RNF44: variants seen among roughly 807,000 people sequenced by gnomAD.
RNF44 encodes the protein ring finger protein 44.
RNF44 carries 25 observed loss-of-function variants against 53.6 expected under a neutral mutation model. That is an observed-to-expected ratio of 0.47 (90% CI 0.34 to 0.65). The LOEUF is 0.65. Ranked by LOEUF, RNF44 falls within the 30% of genes least tolerant of loss-of-function variation. RNF44 has a pLI of 0.01. For missense variants in RNF44, 581 were observed against 595.5 expected, an observed-to-expected ratio of 0.98 and a Z score of 0.25; for synonymous variants, 282 against 252.2, an observed-to-expected ratio of 1.12 and a Z score of -1.12.
Position 176,532,429 on chromosome 5 carries a change from GC to G in RNF44, c.43del (p.Ala15ProfsTer53). ...AGAGAATCGCCGCTGGCCCACGGGGGCGGAGGGTGGCCACCTAGTCACTGCC... is the reference window on the plus strand; with the variant it reads ...AGAGAATCGCCGCTGGCCCACGGGGGGGAGGGTGGCCACCTAGTCACTGCC... ...ALAVTRWPPS[A>X]PVGQRRFSAG... On this transcript the variant is annotated frameshift_variant, in exon 2 of 11. Transcript: ENST00000274811. LOFTEE classifies it high-confidence loss of function. 6.2e-7 allele frequency: 1 copy of G among 1,607,244 alleles called. No homozygotes were observed. The highest frequency in any genetic ancestry group is 8.5e-7 in the Non-Finnish European group (1 of 1,178,860).
At chr5:176,529,193 G>C in intron 10 of RNF44, 95 bp downstream of exon 10, 3 of 1,556,146 alleles carry the variant, frequency 1.9e-6, no homozygotes, top group Non-Finnish European at 2.6e-6. Flanking sequence ...GAACTTCCGA[G>C]ATGATGACAA....
Position 176,531,007 on chromosome 5 carries a change from G to A in RNF44, c.480C>T (p.Cys160=). 6.9e-7 allele frequency: 1 copy of A among 1,453,096 alleles called. No individual in the cohort carries two copies. The highest frequency in any genetic ancestry group is 9.0e-7 in the Non-Finnish European group (1 of 1,105,752). 90.0% of individuals were successfully genotyped at this position (1,453,096 alleles called of 1,614,324 possible). ...CCLPPPLIQA[C]TMQQLPVPYQ... Reference sequence around the variant, plus strand: ...AGGGCACAGGCAGCTGCTGCATGGTGCACGCCTGGATAAGCTGCCAAGAGA... The same window carrying A: ...AGGGCACAGGCAGCTGCTGCATGGTACACGCCTGGATAAGCTGCCAAGAGA... Residue 160 remains cysteine, a synonymous_variant, in exon 5 of 11, where the codon TGC becomes TGT. Coordinates refer to ENST00000274811, the MANE Select transcript of RNF44 (RefSeq NM_014901.5). This position sits in a 1 kb window ranked among gnomAD's most constrained non-coding sequence, Gnocchi z 4.2.
At chr5:176,530,365 ACGT>A (rs1756492106) in intron 6 of RNF44, among the ~76,000 whole-genome samples, 159 bp from the exon 7 acceptor site, 19 of 82,068 alleles carry the variant, frequency 2.3e-4, no homozygotes, top group South Asian at 4.5e-4. Flanking sequence ...CCCGGAGCCC[ACGT>A]GCAAGTCAGC....
intron 1 of RNF44, among the ~76,000 whole-genome samples, chr5:176,534,438 T>C (rs1429395440): frequency 1.3e-5 from 2 of 152,184 alleles, no homozygotes; most frequent in Non-Finnish European, 2.9e-5. Flanking sequence ...GACAGGCATG[T>C]CTACACACAC....
At chr5:176,533,597 G>A (rs1324911149) in intron 1 of RNF44, among the ~76,000 whole-genome samples, 6 of 152,156 alleles carry the variant, frequency 3.9e-5, no homozygotes, top group African/African-American at 1.4e-4. Context: ...CCCTTGCTCT[G>A]GGGCCCCCAA....
intron 7 of RNF44, 73 bp from the exon 8 acceptor site, chr5:176,529,891 C>T: frequency 7.0e-7 from 1 of 1,437,356 alleles, no homozygotes; most frequent in South Asian, 1.4e-5. Context: ...CTCCTGACTC[C>T]CTCCTTGCAA....
At chr5:176,529,904 A>C in intron 7 of RNF44, 86 bp from the exon 8 acceptor site, 1 of 1,418,536 alleles carries the variant, frequency 7.0e-7, no homozygotes, top group East Asian at 2.4e-5. Flanking sequence ...CCTTGCAAAC[A>C]GAGCCCAGAA....
At chr5:176,538,942 A>T (rs1464695233), upstream of RNF44, among the ~76,000 whole-genome samples, 3 of 152,246 alleles carry the variant, frequency 2.0e-5, no homozygotes, top group Non-Finnish European at 4.4e-5. Flanking sequence ...TATATATTGC[A>T]CATTAGCTCT....
At chr5:176,532,319 T>A in intron 2 of RNF44, 47 bp downstream of exon 2, 1 of 1,559,182 alleles carries the variant, frequency 6.4e-7, no homozygotes, top group Non-Finnish European at 8.7e-7. Flanking sequence ...GCCCCACCCC[T>A]GCTGGCCCCC....
At chr5:176,532,333 C>G in intron 2 of RNF44, 33 bp downstream of exon 2, 1 of 1,579,496 alleles carries the variant, frequency 6.3e-7, no homozygotes, top group Non-Finnish European at 8.6e-7. Flanking sequence ...GGCCCCCATG[C>G]CCCAGCACCA....
At chr5:176,533,573 G>T (rs953335639) in intron 1 of RNF44, among the ~76,000 whole-genome samples, 7 of 152,202 alleles carry the variant, frequency 4.6e-5, no homozygotes, top group Non-Finnish European at 7.3e-5. Context: ...TGTGGAGTCT[G>T]GCATGCAGCC....
rs2113206974 is a variant in RNF44, at chr5:176,537,285, G to C, written c.-390C>G. On this transcript the variant is annotated 5_prime_UTR_variant, in exon 1 of 11. Coordinates refer to ENST00000274811, the MANE Select transcript of RNF44 (RefSeq NM_014901.5). Reference sequence around the variant, plus strand: ...GAACTGTCCGCGGCGGCAGCGGAATGTAACAAACCCCACATTTGATTCACA... The same window carrying C: ...GAACTGTCCGCGGCGGCAGCGGAATCTAACAAACCCCACATTTGATTCACA... The C allele has an allele frequency of 6.6e-6, 1 of 152,286 alleles. No individual in the cohort carries two copies. The highest frequency in any genetic ancestry group is 1.9e-4 in the East Asian group (1 of 5,190). The allele number at this position is 152,286 out of a possible 1,614,324, so 9.4% of individuals were successfully genotyped here.
rs752768424 is a variant in RNF44 at position 176,532,472 on chromosome 5, TC to T, written c.-1del. 6 of 1,348,218 alleles carry T rather than the reference TC, an allele frequency of 4.5e-6. No homozygotes were observed. The African/African-American group carries it at 6.0e-5, about 13-fold the overall frequency. The allele number at this position is 1,348,218 out of a possible 1,614,324, so 83.5% of individuals were successfully genotyped here. ...GTCACTGCCAGAGCCCATGGTCGCA[TC>T]GGGGGGGCAGGGGGGTGGAGGGGCT... is the stretch of plus-strand genomic sequence containing the variant. On this transcript the variant is annotated 5_prime_UTR_variant, in exon 2 of 11. Coordinates refer to ENST00000274811, the MANE Select transcript of RNF44 (RefSeq NM_014901.5).
At chr5:176,540,160 TCTCA>T (rs1477299093), upstream of RNF44, among the ~76,000 whole-genome samples, 4 of 152,156 alleles carry the variant, frequency 2.6e-5, no homozygotes, top group South Asian at 6.2e-4. Context: ...TCGCTGTGTG[TCTCA>T]CTCAGTAATT....
Position 176,532,444 on chromosome 5 carries a change from C to T in RNF44, c.29G>A (p.Arg10Lys). Residue 10 changes from arginine to lysine, a missense_variant, in exon 2 of 11, where the codon AGG becomes AAG. Coordinates refer to ENST00000274811, the MANE Select transcript of RNF44 (RefSeq NM_014901.5). MRPWALAVT[R>K]WPPSAPVGQR... ...GCCCACGGGGGCGGAGGGTGGCCAC[C>T]TAGTCACTGCCAGAGCCCATGGTCG... 6.2e-7 allele frequency: 1 copy of T among 1,602,444 alleles called. No individual in the cohort carries two copies. Among genetic ancestry groups the T allele is most frequent in the Non-Finnish European group, 8.5e-7 (1 of 1,177,254 alleles).
Position 176,530,900 on chromosome 5 carries a change from T to C in RNF44, c.587A>G (p.His196Arg). The change falls in exon 5 of 11, where the codon CAC (histidine) becomes CGC (arginine). Residue 196 changes from histidine to arginine, a missense_variant. By Grantham distance (29) the His-to-Arg change is conservative. Transcript: ENST00000274811. ...PPPAPPPQPT[H>R]MAPLGQFVSL... ...CACAAACTGCCCCAGGGGCGCCATG[T>C]GGGTGGGCTGGGGGGGTGGGGCCGG... 1 of 96,374 alleles carries C rather than the reference T, an allele frequency of 1.0e-5. No homozygotes were observed. Among genetic ancestry groups the C allele is most frequent in the Middle Eastern group, 7.5e-4 (1 of 1,330 alleles). The allele number at this position is 96,374 out of a possible 1,614,324, so 6.0% of individuals were successfully genotyped here.
upstream of RNF44, chr5:176,538,152 CT>C (rs1364771019): frequency 1.3e-5 from 2 of 152,222 alleles, no homozygotes; most frequent in Admixed American, 1.3e-4. Context: ...AGTGCAGGCG[CT>C]GGGCGCTCTA....
In RNF44 at chr5:176,530,929, T is replaced by TG; in HGVS notation, c.557dup (p.Pro187ThrfsTer145). The stretch of plus-strand genomic sequence containing the variant: ...TGGGCTGGGGGGGTGGGGCCGGTGG[T>TG]GGGGGGTGCAGGATGTAGTGGTCAC... On this transcript the variant is annotated frameshift_variant, in exon 5 of 11. Transcript: ENST00000274811. LOFTEE classifies it high-confidence loss of function. 1 of 1,300,676 alleles carries TG rather than the reference T, an allele frequency of 7.7e-7. No individual in the cohort carries two copies. Among genetic ancestry groups the TG allele is most frequent in the Non-Finnish European group, 1.0e-6 (1 of 975,484 alleles). The allele number at this position is 1,300,676 out of a possible 1,614,324, so 80.6% of individuals were successfully genotyped here.
intron 1 of RNF44, among the ~76,000 whole-genome samples, chr5:176,533,139 C>T (rs985587054): frequency 1.3e-5 from 2 of 152,174 alleles, no homozygotes; most frequent in Middle Eastern, 3.2e-3. Flanking sequence ...GGCCTCCAGG[C>T]GGCAGCTGGG....
Sources: gnomAD v4.1 joint callset for allele counts (sites outside exome capture counted in the v4.1 genomes callset) on GRCh38, gnomAD v4.1.1 for gene constraint, Gnocchi (gnomAD v3.1) non-coding constraint, MANE v1.5 for transcripts, NCBI Gene and HGNC (gene_info 2026-07-23, HGNC 2026-07-21) for gene names.